Variants in ALDH5A1 observed in about 807,000 individuals in gnomAD.
ALDH5A1 encodes succinate-semialdehyde dehydrogenase, mitochondrial.
A neutral mutation model predicts 54.7 loss-of-function variants in ALDH5A1; 33 were observed. That is an observed-to-expected ratio of 0.60 (90% CI 0.46 to 0.81). The LOEUF (loss-of-function observed/expected upper bound fraction) is 0.81. Ranked by LOEUF, ALDH5A1 falls within the 30% of genes least tolerant of loss-of-function variation. ALDH5A1 has a pLI of 0.00. For synonymous variants in ALDH5A1, 294 were observed against 292.7 expected, an observed-to-expected ratio of 1.00 and a Z score of -0.05; for missense variants, 657 against 711.0, an observed-to-expected ratio of 0.92 and a Z score of 0.86.
chr6:24,526,374 A>T (rs983875923), intron 7 of ALDH5A1, among the ~76,000 whole-genome samples: 1 of 152,122 alleles, frequency 6.6e-6, no homozygotes, highest in African/African-American at 2.4e-5. Context: ...TAAAAATCTC[A>T]TAGTGTCCTG....
chr6:24,501,876 TA>T (rs1329459611), intron 1 of ALDH5A1, among the ~76,000 whole-genome samples: 1 of 666 alleles, frequency 1.5e-3, no homozygotes, highest in African/African-American at 0.015. Flanking sequence ...ACCAATGTTT[TA>T]TATATATATA....
At chr6:24,503,805 A>G (rs765162873) in intron 3 of ALDH5A1, among the ~76,000 whole-genome samples, 1 of 152,200 alleles carries the variant, frequency 6.6e-6, no homozygotes, top group African/African-American at 2.4e-5. Flanking sequence ...AACTTGCCAT[A>G]GTTTGGAAAA....
At chr6:24,508,361 C>CAAAAAAAACAAAAAAA (rs1759396631) in intron 4 of ALDH5A1, among the ~76,000 whole-genome samples, 1 of 13,064 alleles carries the variant, frequency 7.7e-5, no homozygotes, top group African/African-American at 2.5e-4. Flanking sequence ...ACTCCATCTC[C>CAAAAAAAACAAAAAAA]AAAAAAAAAA....
intron 8 of ALDH5A1, among the ~76,000 whole-genome samples, chr6:24,531,413 T>C (rs1398330917): frequency 2.0e-5 from 3 of 152,240 alleles, no homozygotes; most frequent in Non-Finnish European, 4.4e-5. Flanking sequence ...CTGTGTACCC[T>C]TGGACAAATT....
chr6:24,522,839 G>T lies in ALDH5A1; in HGVS notation c.1087G>T (p.Ala363Ser). Residue 363 changes from alanine to serine, a missense_variant, in exon 7 of 10, where the codon GCC (alanine) becomes TCC (serine). Physicochemically the swap from Ala to Ser is moderately conservative, Grantham distance 99. This residue lies in a region of ALDH5A1 where 425 missense variants were observed against 516.4 expected (regional missense o/e 0.82). Coordinates refer to ENST00000357578, the MANE Select transcript of ALDH5A1 (RefSeq NM_001080.3). ...HDAFVKAFAE[A>S]MKKNLRVGNG... ...TGCCTTTGTAAAAGCATTCGCCGAG[G>T]CCATGAAGAAGAACCTGCGCGTAGG... 1 of 1,614,180 alleles carries T rather than the reference G, an allele frequency of 6.2e-7. No homozygotes were observed. Among genetic ancestry groups the T allele is most frequent in the Non-Finnish European group, 8.5e-7 (1 of 1,180,036 alleles).
chr6:24,526,958 ATATATATGTGTGTGTG>A (rs1306342351), intron 7 of ALDH5A1, among the ~76,000 whole-genome samples: 3,048 of 13,450 alleles, frequency 0.23, 175 homozygotes, highest in Non-Finnish European at 0.36. Context: ...TATCTAATAT[ATATATATGTGTGTGTG>A]TATATATATA....
chr6:24,521,945 C>T (rs544608854), intron 6 of ALDH5A1, among the ~76,000 whole-genome samples: 48 of 149,172 alleles, frequency 3.2e-4, no homozygotes, highest in African/African-American at 1.1e-3. Flanking sequence ...CAGCTCACTG[C>T]AACCTCCACC....
intron 4 of ALDH5A1, chr6:24,511,746 TTG>T: frequency 2.5e-6 from 1 of 403,022 alleles, no homozygotes; most frequent in Non-Finnish European, 4.4e-6. Flanking sequence ...TTTTTTTTTT[TTG>T]TGACTTCCTT....
intron 6 of ALDH5A1, among the ~76,000 whole-genome samples, chr6:24,522,445 A>C (rs948857217): frequency 1.6e-5 from 2 of 126,612 alleles, no homozygotes; most frequent in Non-Finnish European, 3.8e-5. Flanking sequence ...TTTGAAAAAA[A>C]CATGGATTGG....
At chr6:24,513,722 G>A (rs1759506904) in intron 4 of ALDH5A1, among the ~76,000 whole-genome samples, 1 of 143,576 alleles carries the variant, frequency 7.0e-6, no homozygotes, top group Non-Finnish European at 1.5e-5. Flanking sequence ...GATAGGGCAA[G>A]GCCCTCCCAC....
Position 24,522,877 on chromosome 6 carries a change from G to A in ALDH5A1, c.1125G>A (p.Glu375=). The change falls in exon 7 of 10, where the codon GAG becomes GAA. Residue 375 remains glutamate, a synonymous_variant. Transcript: ENST00000357578. ...KKNLRVGNGF[E]EGTTQGPLIN... is the part of the protein sequence containing the mutation. ...ACCTGCGCGTAGGTAATGGATTTGAGGAAGGAACTACTCAGGGCCCATTAA... is the reference window on the plus strand; with the variant it reads ...ACCTGCGCGTAGGTAATGGATTTGAAGAAGGAACTACTCAGGGCCCATTAA... The A allele has an allele frequency of 1.2e-6, 2 of 1,614,098 alleles. No homozygotes were observed. Among genetic ancestry groups the A allele is most frequent in the Non-Finnish European group, 1.7e-6 (2 of 1,180,012 alleles).
intron 4 of ALDH5A1, among the ~76,000 whole-genome samples, chr6:24,512,774 C>A (rs1424817079): frequency 6.6e-6 from 1 of 152,178 alleles, no homozygotes. Context: ...ACTGCAATCT[C>A]CGCCTCCCTG....
intron 4 of ALDH5A1, among the ~76,000 whole-genome samples, chr6:24,510,941 G>T (rs544687097): frequency 1.3e-5 from 2 of 152,154 alleles, no homozygotes; most frequent in Non-Finnish European, 1.5e-5. Context: ...CTTTAAAGAG[G>T]TTCTGTTTTG....
Position 24,495,329 on chromosome 6 carries a change from C to G in ALDH5A1, c.333C>G (p.Arg111=). The change falls in exon 1 of 10, where the codon CGC becomes CGG. Residue 111 remains arginine (R), a synonymous_variant. Transcript: ENST00000357578. ...AVRAAYEAFC[R]WREVSAKERS... is the part of the protein sequence containing the mutation. ...GCGCTGCCTACGAGGCTTTCTGCCG[C>G]TGGAGGGAGGTCTCCGCCAAGGTGA... 6.5e-7 allele frequency: 1 copy of G among 1,533,062 alleles called. No homozygotes were observed. The highest frequency in any genetic ancestry group is 8.7e-7 in the Non-Finnish European group (1 of 1,146,394). The allele number at this position is 1,533,062 out of a possible 1,614,324, so 95.0% of individuals were successfully genotyped here.
chr6:24,515,892 T>C (rs1759561465), intron 5 of ALDH5A1, among the ~76,000 whole-genome samples: 1 of 152,182 alleles, frequency 6.6e-6, no homozygotes, highest in Non-Finnish European at 1.5e-5. Flanking sequence ...GGGTGAAAGT[T>C]CTCCACTGTA....
At chr6:24,503,544 G>C in intron 3 of ALDH5A1, 111 bp downstream of exon 3, 1 of 1,308,000 alleles carries the variant, frequency 7.6e-7, no homozygotes. Flanking sequence ...TTTGTCACCT[G>C]TTCCTGGTTT....
chr6:24,533,229 G>A (rs1382630469), intron 9 of ALDH5A1, among the ~76,000 whole-genome samples: 1 of 152,170 alleles, frequency 6.6e-6, no homozygotes, highest in African/African-American at 2.4e-5. Context: ...CAAAAATGTC[G>A]TGTGGAAATC....
intron 5 of ALDH5A1, among the ~76,000 whole-genome samples, chr6:24,516,037 G>T (rs1358584700): frequency 2.0e-5 from 3 of 152,118 alleles, no homozygotes; most frequent in African/African-American, 7.2e-5. Flanking sequence ...TTAGAGAAAT[G>T]GAAAGGTCTT....
chr6:24,522,770 TG>T lies in ALDH5A1; in HGVS notation c.1019del (p.Cys340LeufsTer18). 1 of 1,613,826 alleles carries T rather than the reference TG, an allele frequency of 6.2e-7. No homozygotes were observed. Among genetic ancestry groups the T allele is most frequent in the East Asian group, 2.2e-5 (1 of 44,868 alleles). On this transcript the variant is annotated frameshift_variant, in exon 7 of 10. Transcript: ENST00000357578. LOFTEE classifies it high-confidence loss of function. ...TTTGTTTTTGTCTCCTGTCCAGACT[TG>T]TGTTTGCTCAAACCAATTCTTGGTG... ...ASKFRNTGQT[C>X]VCSNQFLVQR...
Sources: gnomAD v4.1 joint callset for allele counts (sites outside exome capture counted in the v4.1 genomes callset) on GRCh38, gnomAD v4.1.1 for gene constraint, gnomAD v4.1.1 regional missense constraint, MANE v1.5 for transcripts, NCBI Gene and HGNC (gene_info 2026-07-23, HGNC 2026-07-21) for gene names.